The following MYOT variants were observed in gnomAD, a reference collection of about 807,000 sequenced individuals.
The protein encoded by MYOT is myotilin.
Under a neutral mutation model 58.0 loss-of-function variants are expected in MYOT, and 36 were observed. The ratio of observed to expected loss-of-function variants is 0.62; its 90% CI spans 0.48 to 0.82. MYOT has a LOEUF of 0.82. Among genes scored for constraint, MYOT ranks in the 40% least tolerant of loss-of-function variants. The pLI, the probability that MYOT is intolerant of heterozygous loss-of-function variation, is 0.00. For missense variants in MYOT, 505 were observed against 592.1 expected (o/e 0.85, Z 1.53); for synonymous variants, 218 against 204.6 (o/e 1.07, Z -0.56).
intron 4 of MYOT, among the ~76,000 whole-genome samples, chr5:137,879,357 A>G (rs889388318): frequency 3.9e-5 from 6 of 152,124 alleles, no homozygotes; most frequent in Non-Finnish European, 8.8e-5. Context: ...TTTGGCTACT[A>G]AACAGTTCAT....
intron 2 of MYOT, among the ~76,000 whole-genome samples, chr5:137,874,494 A>G (rs1755149355): frequency 6.6e-6 from 1 of 152,154 alleles, no homozygotes; most frequent in South Asian, 2.1e-4. Context: ...TTAAAAATAA[A>G]GATTAGCCCC....
chr5:137,884,233 T>C (rs1755524756), intron 7 of MYOT, among the ~76,000 whole-genome samples: 1 of 152,158 alleles, frequency 6.6e-6, no homozygotes, highest in Non-Finnish European at 1.5e-5. Flanking sequence ...TGCACACCTA[T>C]AGTCCCAGCT....
chr5:137,881,905 C>A, intron 5 of MYOT, 68 bp from the exon 6 acceptor site: 1 of 1,562,426 alleles, frequency 6.4e-7, no homozygotes, highest in Non-Finnish European at 8.8e-7. Context: ...GATGGCTAAA[C>A]TATATTTGTG....
At chr5:137,872,357 T>G (rs1382073320) in intron 2 of MYOT, among the ~76,000 whole-genome samples, 1 of 152,240 alleles carries the variant, frequency 6.6e-6, no homozygotes, top group Non-Finnish European at 1.5e-5. Context: ...ATATTTCCTA[T>G]ATTAGCATTT....
In MYOT at chr5:137,870,228, G is replaced by A. The variant is rs969259505; in HGVS notation, c.-211-213G>A. ...CTCTGGAGGGTGCAGTGGAAGGATC[G>A]CTTGTGCCCAGGAGTTGGAGGGGCT... On this transcript the variant is annotated intron_variant, in intron 1 of 9. Transcript: ENST00000239926. Among the ~76,000 whole-genome samples the A allele has an allele frequency of 8.6e-5, 13 of 151,316 alleles. No individual in the cohort carries two copies. In the South Asian group the frequency reaches 2.5e-3, roughly 29 times the overall value.
At position 137,870,639 on chromosome 5, in the gene MYOT, A is replaced by G; in HGVS notation, c.-13A>G. 2.5e-6 allele frequency: 4 copies of G among 1,609,216 alleles called. No individual in the cohort carries two copies. The highest frequency in any genetic ancestry group is 3.4e-6 in the Non-Finnish European group (4 of 1,175,508). ...GTAATAATTTGCCTTCATCTTCCAT[A>G]TACCAACTAAGCATGTTTAACTACG... On this transcript the variant is annotated 5_prime_UTR_variant, in exon 2 of 10. It adds an upstream start codon to the 5' untranslated region. Coordinates refer to ENST00000239926, the MANE Select transcript of MYOT (RefSeq NM_006790.3).
In MYOT at chr5:137,870,643, C is replaced by G; in HGVS notation, c.-9C>G. Reference sequence around the variant, plus strand: ...TAATTTGCCTTCATCTTCCATATACCAACTAAGCATGTTTAACTACGAACG... The same window carrying G: ...TAATTTGCCTTCATCTTCCATATACGAACTAAGCATGTTTAACTACGAACG... On this transcript the variant is annotated 5_prime_UTR_variant, in exon 2 of 10. Transcript: ENST00000239926. The G allele has an allele frequency of 3.7e-6, 6 of 1,611,010 alleles. No individual in the cohort carries two copies. Among genetic ancestry groups the G allele is most frequent in the Non-Finnish European group, 5.1e-6 (6 of 1,177,164 alleles).
chr5:137,868,737 A>G (rs1389999075), intron 1 of MYOT, among the ~76,000 whole-genome samples: 1 of 151,178 alleles, frequency 6.6e-6, no homozygotes, highest in African/African-American at 2.5e-5. Flanking sequence ...GAAATTTAGG[A>G]ATCAAACTCT....
intron 9 of MYOT, 94 bp from the exon 10 acceptor site, chr5:137,887,119 T>C: frequency 1.3e-6 from 2 of 1,573,118 alleles, no homozygotes; most frequent in Non-Finnish European, 1.7e-6. Context: ...CAGTTTTGGT[T>C]CTTTTTTCTT....
At chr5:137,872,507 C>T (rs573263561) in intron 2 of MYOT, among the ~76,000 whole-genome samples, 80 of 152,146 alleles carry the variant, frequency 5.3e-4, no homozygotes, top group African/African-American at 1.6e-3. Flanking sequence ...CTAGGAGGTC[C>T]CCAAACCAGA....
intron 4 of MYOT, among the ~76,000 whole-genome samples, chr5:137,880,251 T>C (rs1755383070): frequency 6.6e-6 from 1 of 152,262 alleles, no homozygotes; most frequent in African/African-American, 2.4e-5. Context: ...TAAATACAAC[T>C]TTATTAAACA....
intron 2 of MYOT, 143 bp from the exon 3 acceptor site, chr5:137,875,686 A>C (rs1451704818): frequency 2.7e-6 from 2 of 738,984 alleles, no homozygotes; most frequent in African/African-American, 3.6e-5. Flanking sequence ...CATTCTTATA[A>C]AATATTTCTT....
At chr5:137,879,410 A>G (rs1755340690) in intron 4 of MYOT, among the ~76,000 whole-genome samples, 1 of 150,976 alleles carries the variant, frequency 6.6e-6, no homozygotes, top group African/African-American at 2.4e-5. Context: ...ACCTACTTGT[A>G]TGTTGGGCTC....
At chr5:137,882,167 AT>A (rs1012193515) in intron 6 of MYOT, 62 bp downstream of exon 6, 9 of 1,577,696 alleles carry the variant, frequency 5.7e-6, no homozygotes, top group Non-Finnish European at 7.8e-6. Flanking sequence ...GTTTTGAAAA[AT>A]GTTCTTTTCC....
chr5:137,885,419 G>A (rs1755564447), intron 7 of MYOT, among the ~76,000 whole-genome samples: 1 of 152,038 alleles, frequency 6.6e-6, no homozygotes, highest in East Asian at 1.9e-4. Flanking sequence ...AACCCAAGCT[G>A]TCTGATACTC....
At chr5:137,886,668 C>A (rs768891624) in intron 8 of MYOT, 196 bp from the exon 9 acceptor site, 6 of 625,136 alleles carry the variant, frequency 9.6e-6, no homozygotes, top group African/African-American at 3.7e-5. Context: ...CATCAGGGGA[C>A]AGATTGAAGA....
chr5:137,875,890 A>T lies in MYOT; in HGVS notation c.418A>T (p.Lys140Ter). 1 of 1,614,118 alleles carries T rather than the reference A, an allele frequency of 6.2e-7. No homozygotes were observed. The highest frequency in any genetic ancestry group is 8.5e-7 in the Non-Finnish European group (1 of 1,179,980). The part of the protein sequence containing the change: ...NAKPSQTANA[K>*]PIPRTPDHEI... ...AAAGCCATCCCAAACTGCAAATGCT[A>T]AGCCCATACCAAGAACTCCTGATCA... Residue 140 changes from lysine (K) to a stop codon, truncating the protein, a stop_gained, in exon 3 of 10, where the codon AAG (lysine) becomes TAG (stop). Transcript: ENST00000239926. LOFTEE classifies it high-confidence loss of function.
Position 137,887,450 on chromosome 5 carries a change from T to G in MYOT, c.*65T>G. The G allele has an allele frequency of 6.6e-7, 1 of 1,514,588 alleles. No individual in the cohort carries two copies. Among genetic ancestry groups the G allele is most frequent in the Non-Finnish European group, 9.1e-7 (1 of 1,095,780 alleles). The allele number at this position is 1,514,588 out of a possible 1,614,324, so 93.8% of individuals were successfully genotyped here. On this transcript the variant is annotated 3_prime_UTR_variant, in exon 10 of 10. Coordinates refer to ENST00000239926, the MANE Select transcript of MYOT (RefSeq NM_006790.3). ...AGTAATATATTTGATTACATTTTTT[T>G]GAAATTAATCCATAGCTGTATTAAC...
chr5:137,873,237 A>C (rs1418826438), intron 2 of MYOT, among the ~76,000 whole-genome samples: 1 of 150,130 alleles, frequency 6.7e-6, no homozygotes, highest in African/African-American at 2.5e-5. Context: ...AAAAAAAAAA[A>C]CAGTAGGCTA....
Sources: allele counts gnomAD v4.1 joint callset (sites outside exome capture counted in the v4.1 genomes callset), GRCh38; gene constraint gnomAD v4.1.1; transcripts MANE v1.5; gene names NCBI Gene and HGNC (gene_info 2026-07-23, HGNC 2026-07-21).